Variants in USH2A observed in about 807,000 individuals in gnomAD.
The protein encoded by USH2A is Usher syndrome 2A (autosomal recessive, mild).
A neutral mutation model predicts 538.9 loss-of-function variants in USH2A; 443 were observed. That is an observed-to-expected ratio of 0.82 (90% CI 0.76 to 0.89). The LOEUF (loss-of-function observed/expected upper bound fraction) is 0.89, where lower values mean the gene tolerates loss of function less well. USH2A is among the 40% of genes least tolerant of loss of function. The probability of loss-of-function intolerance (pLI) is 0.00; values close to 1 mark genes in which losing one functional copy is unlikely to be tolerated. For missense variants in USH2A, 6,633 were observed against 6,324.8 expected, an observed-to-expected ratio of 1.05 and a Z score of -1.65; for synonymous variants, 2,413 against 2,273.5, an observed-to-expected ratio of 1.06 and a Z score of -1.75.
chr1:215,783,026 TAAAAATAA>T, intron 52 of USH2A, 91 bp from the exon 53 acceptor site: 1 of 1,238,506 alleles, frequency 8.1e-7, no homozygotes, highest in Non-Finnish European at 1.1e-6. Context: ...TTTAGACATT[TAAAAATAA>T]ATGTTTAATG....
intron 13 of USH2A, among the ~76,000 whole-genome samples, chr1:216,245,901 C>T (rs2036033186): frequency 6.6e-6 from 1 of 152,118 alleles, no homozygotes; most frequent in African/African-American, 2.4e-5. Context: ...CAACAATTAG[C>T]ACAGCTGTTA....
At chr1:216,035,504 G>A (rs956569572) in intron 32 of USH2A, among the ~76,000 whole-genome samples, 4 of 152,128 alleles carry the variant, frequency 2.6e-5, no homozygotes, top group Non-Finnish European at 2.9e-5. Context: ...GGGACTCCCT[G>A]TCTCTAGAAG....
At chr1:215,771,437 G>A (rs912354086) in intron 55 of USH2A, among the ~76,000 whole-genome samples, 10 of 150,444 alleles carry the variant, frequency 6.6e-5, no homozygotes, top group Middle Eastern at 3.4e-3. Context: ...AAAATTAGCC[G>A]GGCGTAGTGG....
At chr1:216,220,093 T>C (rs2035426832) in intron 14 of USH2A, among the ~76,000 whole-genome samples, 1 of 152,096 alleles carries the variant, frequency 6.6e-6, no homozygotes, top group Non-Finnish European at 1.5e-5. Context: ...TAACTATTAA[T>C]GAAAGGAATA....
At chr1:216,374,107 G>C (rs138375136) in intron 3 of USH2A, among the ~76,000 whole-genome samples, 4,596 of 110,760 alleles carry the variant, frequency 0.041, 108 homozygotes, top group Middle Eastern at 0.13. Context: ...CTTTTGTGGG[G>C]TGGGGGGAGG....
At chr1:216,324,486 C>A in intron 6 of USH2A, 134 bp from the exon 7 acceptor site, 1 of 837,312 alleles carries the variant, frequency 1.2e-6, no homozygotes, top group African/African-American at 1.7e-5. Context: ...ATGTATTAGA[C>A]ATCCAGAAAC....
intron 3 of USH2A, among the ~76,000 whole-genome samples, chr1:216,400,493 G>A (rs73100699): frequency 0.011 from 1,692 of 151,806 alleles, 18 homozygotes; most frequent in East Asian, 0.035. Context: ...TAGAATAAGA[G>A]GAGAGAATGG....
intron 64 of USH2A, among the ~76,000 whole-genome samples, chr1:215,668,424 G>A (rs1369271156): frequency 1.3e-5 from 2 of 152,090 alleles, no homozygotes; most frequent in African/African-American, 2.4e-5. Flanking sequence ...CATAAGAACT[G>A]GGCCTTTGGG....
At chr1:215,724,220 AACACAC>A (rs3049512) in intron 61 of USH2A, among the ~76,000 whole-genome samples, 3,522 of 147,886 alleles carry the variant, frequency 0.024, 76 homozygotes, top group African/African-American at 0.052. Flanking sequence ...TAGAATGTGA[AACACAC>A]ACACACACAC....
chr1:216,194,915 G>T (rs1339961466), intron 19 of USH2A, among the ~76,000 whole-genome samples: 1 of 152,088 alleles, frequency 6.6e-6, no homozygotes, highest in East Asian at 1.9e-4. Flanking sequence ...GACATAACAT[G>T]TAGTAATTTT....
At chr1:215,900,947 G>A in intron 38 of USH2A, 42 bp from the exon 39 acceptor site, 2 of 1,611,748 alleles carry the variant, frequency 1.2e-6, no homozygotes, top group Non-Finnish European at 1.7e-6. Flanking sequence ...GAAAACTGTG[G>A]AGAACATATG....
intron 32 of USH2A, among the ~76,000 whole-genome samples, chr1:216,016,028 T>A (rs1298180482): frequency 6.6e-6 from 1 of 152,076 alleles, no homozygotes; most frequent in Admixed American, 6.5e-5. Context: ...AAAGGATGAG[T>A]TCATGTCCTT....
intron 32 of USH2A, among the ~76,000 whole-genome samples, chr1:216,020,003 A>T (rs1017815479): frequency 6.6e-6 from 1 of 152,192 alleles, no homozygotes; most frequent in South Asian, 2.1e-4. Context: ...CCATTATAAG[A>T]TATTTAATGG....
intron 47 of USH2A, among the ~76,000 whole-genome samples, chr1:215,836,540 AT>A (rs1663528823): frequency 4.1e-5 from 1 of 24,638 alleles, no homozygotes; most frequent in African/African-American, 1.5e-4. Flanking sequence ...ATATATATAT[AT>A]AATATATATA....
At chr1:215,989,505 A>G (rs1667955622) in intron 35 of USH2A, among the ~76,000 whole-genome samples, 1 of 152,218 alleles carries the variant, frequency 6.6e-6, no homozygotes, top group Non-Finnish European at 1.5e-5. Flanking sequence ...CACTGTATAG[A>G]TAAGAGTGAA....
At chr1:215,974,150 T>C (rs1667564059) in intron 35 of USH2A, among the ~76,000 whole-genome samples, 1 of 152,138 alleles carries the variant, frequency 6.6e-6, no homozygotes, top group Admixed American at 6.6e-5. Flanking sequence ...CACTGTATGA[T>C]TCAGCTTTAA....
intron 4 of USH2A, among the ~76,000 whole-genome samples, chr1:216,351,973 T>A (rs1442178450): frequency 6.6e-6 from 1 of 152,042 alleles, no homozygotes; most frequent in Non-Finnish European, 1.5e-5. Context: ...AGTATATGGA[T>A]CAAAGTGAGA....
chr1:216,064,175 G>T (rs1320263675), intron 30 of USH2A, among the ~76,000 whole-genome samples: 3 of 152,096 alleles, frequency 2.0e-5, no homozygotes, highest in African/African-American at 7.2e-5. Context: ...TAGACTTTAT[G>T]AATTTTTATT....
At chr1:216,386,579 G>A (rs567130236) in intron 3 of USH2A, among the ~76,000 whole-genome samples, 1 of 148,968 alleles carries the variant, frequency 6.7e-6, no homozygotes, top group South Asian at 2.1e-4. Flanking sequence ...TGGGTGTGGT[G>A]TCTCATGCCT....
Sources: allele counts gnomAD v4.1 joint callset (sites outside exome capture counted in the v4.1 genomes callset), GRCh38; gene constraint gnomAD v4.1.1; transcripts MANE v1.5; gene names NCBI Gene and HGNC (gene_info 2026-07-23, HGNC 2026-07-21).